CADPS: variants seen among roughly 807,000 people sequenced by gnomAD.
The protein encoded by CADPS is calcium dependent secretion activator.
CADPS carries 57 observed loss-of-function variants against 167.3 expected under a neutral mutation model. That is an observed-to-expected ratio of 0.34 (90% CI 0.28 to 0.42). CADPS has a LOEUF of 0.42. Ranked by LOEUF, CADPS falls within the 20% of genes least tolerant of loss-of-function variation. CADPS has a pLI of 1.00. For missense variants in CADPS, 1,414 were observed against 1,738.1 expected, an observed-to-expected ratio of 0.81 and a Z score of 3.32; for synonymous variants, 676 against 635.3, an observed-to-expected ratio of 1.06 and a Z score of -0.96.
intron 4 of CADPS, among the ~76,000 whole-genome samples, chr3:62,659,373 A>T (rs2072584962): frequency 1.3e-5 from 2 of 152,204 alleles, no homozygotes; most frequent in African/African-American, 4.8e-5. Flanking sequence ...AATTTTCATC[A>T]GTATTAGCCA....
intron 22 of CADPS, among the ~76,000 whole-genome samples, chr3:62,479,693 G>A (rs1425197845): frequency 3.9e-5 from 6 of 152,202 alleles, no homozygotes; most frequent in African/African-American, 1.4e-4. Flanking sequence ...GATGGAGCAG[G>A]TAACATATAA....
At chr3:62,607,337 G>T (rs2060826683) in intron 6 of CADPS, among the ~76,000 whole-genome samples, 2 of 152,224 alleles carry the variant, frequency 1.3e-5, no homozygotes, top group South Asian at 4.1e-4. Flanking sequence ...CACAGGCACT[G>T]TCTAGGTTCC....
At chr3:62,714,045 A>G (rs952996732) in intron 3 of CADPS, among the ~76,000 whole-genome samples, 3 of 152,180 alleles carry the variant, frequency 2.0e-5, no homozygotes, top group African/African-American at 7.2e-5. Context: ...GCCCCATTTT[A>G]TAGATGAGGC....
chr3:62,761,731 T>C (rs1179551782), intron 2 of CADPS, among the ~76,000 whole-genome samples: 1 of 151,828 alleles, frequency 6.6e-6, no homozygotes, highest in African/African-American at 2.4e-5. Flanking sequence ...ATTTTGGACA[T>C]TTTTCTTAAA....
At chr3:62,408,303 GTCA>G (rs1269742912) in intron 28 of CADPS, among the ~76,000 whole-genome samples, 1 of 152,170 alleles carries the variant, frequency 6.6e-6, no homozygotes, top group African/African-American at 2.4e-5. Context: ...TGATATTTCA[GTCA>G]TCATGGATTT....
At position 62,542,197 on chromosome 3, in the gene CADPS, A is replaced by G. The variant is rs145062326; in HGVS notation, c.1967-5616T>C. ...TAGAGGTAGCTGTTTTAACATTGGA[A>G]TTTAGAGCACAGTTATGGCTGTTGC... On this transcript the variant is annotated intron_variant, in intron 11 of 29. Coordinates refer to ENST00000383710, the MANE Select transcript of CADPS (RefSeq NM_003716.4). Among the ~76,000 whole-genome samples the G allele has an allele frequency of 3.3e-3, 504 of 152,304 alleles. 6 individuals carry two copies. Among genetic ancestry groups the G allele is most frequent in the African/African-American group, 0.011 (477 of 41,570 alleles).
chr3:62,478,124 C>T lies in CADPS; in HGVS notation c.3329+137G>A. ...AGTTAGACGTTGACAGCCACTACTCCAGCTGACTTTGACAAGCAATCCCCT... is the reference window on the plus strand; with the variant it reads ...AGTTAGACGTTGACAGCCACTACTCTAGCTGACTTTGACAAGCAATCCCCT... On this transcript the variant is annotated intron_variant, in intron 23 of 29. Transcript: ENST00000383710. This position sits in a 1 kb window ranked among gnomAD's most constrained non-coding sequence, Gnocchi z 5.7. The T allele has an allele frequency of 1.1e-6, 1 of 933,186 alleles. No individual in the cohort carries two copies. Among genetic ancestry groups the T allele is most frequent in the Non-Finnish European group, 1.6e-6 (1 of 614,590 alleles). 57.8% of individuals were successfully genotyped at this position (933,186 alleles called of 1,614,324 possible).
At chr3:62,491,558 A>AACACAC (rs35911391) in intron 20 of CADPS, 78 bp from the exon 21 acceptor site, 13,365 of 524,868 alleles carry the variant, frequency 0.025, 107 homozygotes, top group Non-Finnish European at 0.028. Flanking sequence ...CACACACACA[A>AACACAC]ACACACACAC....
In CADPS at chr3:62,601,765, G is replaced by T. The variant is rs891517034; in HGVS notation, c.1326-9017C>A. Among the ~76,000 whole-genome samples, 1 of 152,176 alleles carries T rather than the reference G, an allele frequency of 6.6e-6. No homozygotes were observed. The highest frequency in any genetic ancestry group is 2.4e-5 in the African/African-American group (1 of 41,440). ...GTAGCAGATGATTCATATTTAGGGG[G>T]ATGGGGATGACTTTTAAAGTCACAG... On this transcript the variant is annotated intron_variant, in intron 6 of 29. Coordinates refer to ENST00000383710, the MANE Select transcript of CADPS (RefSeq NM_003716.4). This position sits in a 1 kb window ranked among gnomAD's most constrained non-coding sequence, Gnocchi z 4.3.
At chr3:62,812,040 A>G (rs1170757724) in intron 1 of CADPS, among the ~76,000 whole-genome samples, 1 of 152,184 alleles carries the variant, frequency 6.6e-6, no homozygotes, top group Admixed American at 6.5e-5. Flanking sequence ...ATTACATTAA[A>G]AAGATTTTCA....
At position 62,866,148 on chromosome 3, in the gene CADPS, C is replaced by T. The variant is rs76095442; in HGVS notation, c.441+8441G>A. ...AGGGATTCATAAAGAAGGCTTTTCTCTACAATGGATCTAGAAATTTGTCAC... is the reference window on the plus strand; with the variant it reads ...AGGGATTCATAAAGAAGGCTTTTCTTTACAATGGATCTAGAAATTTGTCAC... On this transcript the variant is annotated intron_variant, in intron 1 of 29. Coordinates refer to ENST00000383710, the MANE Select transcript of CADPS (RefSeq NM_003716.4). Among the ~76,000 whole-genome samples, 297 of 152,212 alleles carry T rather than the reference C, an allele frequency of 2.0e-3. 9 individuals are homozygous for T. In the East Asian group the frequency reaches 0.048, roughly 25 times the overall value.
chr3:62,431,590 A>T (rs1394960762), intron 28 of CADPS, among the ~76,000 whole-genome samples: 1 of 151,240 alleles, frequency 6.6e-6, no homozygotes, highest in Non-Finnish European at 1.5e-5. Context: ...AAACTCCTCC[A>T]GTCTGCAGAA....
chr3:62,797,553 C>T (rs763920856), intron 1 of CADPS, among the ~76,000 whole-genome samples: 12 of 152,038 alleles, frequency 7.9e-5, no homozygotes, highest in Non-Finnish European at 1.6e-4. Flanking sequence ...CCTTAGCAAA[C>T]GAATGCAGGA....
chr3:62,429,709 GA>G lies in CADPS; in HGVS notation c.3777+8394del, dbSNP rs11428389. On this transcript the variant is annotated intron_variant, in intron 28 of 29. Coordinates refer to ENST00000383710, the MANE Select transcript of CADPS (RefSeq NM_003716.4). Reference sequence around the variant, plus strand: ...TTCCATGCCGTTAAGTCTGCCATAAGAAAAAAAAAAACCCCTGTTCTAAGAC... The same window carrying G: ...TTCCATGCCGTTAAGTCTGCCATAAGAAAAAAAAAACCCCTGTTCTAAGAC... Among the ~76,000 whole-genome samples the G allele has an allele frequency of 1.0e-3, 148 of 144,210 alleles. 1 individual carries two copies. The highest frequency in any genetic ancestry group is 3.0e-3 in the Admixed American group (44 of 14,658). The allele number at this position is 144,210 out of a possible 152,430, so 94.6% of individuals were successfully genotyped here.
At chr3:62,749,502 G>T (rs17280417) in intron 3 of CADPS, among the ~76,000 whole-genome samples, 12,115 of 152,252 alleles carry the variant, frequency 0.08, 583 homozygotes, top group Admixed American at 0.12. Flanking sequence ...GTTTGGTAAG[G>T]AGAAGAAGGT....
chr3:62,452,341 T>C (rs919420819), intron 26 of CADPS, among the ~76,000 whole-genome samples: 8 of 143,086 alleles, frequency 5.6e-5, no homozygotes, highest in African/African-American at 2.0e-4. Flanking sequence ...TTTAAATAAA[T>C]TAAAAGAAAA....
At chr3:62,492,194 T>C in intron 20 of CADPS, 96 bp downstream of exon 20, 1 of 1,022,396 alleles carries the variant, frequency 9.8e-7, no homozygotes, top group Non-Finnish European at 1.5e-6. Context: ...TGAAGAGCTA[T>C]GTCAAGCCTG....
In CADPS at chr3:62,770,116, G is replaced by A. The variant is rs554396906; in HGVS notation, c.442-4132C>T. Among the ~76,000 whole-genome samples the A allele has an allele frequency of 7.2e-5, 11 of 152,246 alleles. No individual in the cohort carries two copies. The East Asian group carries it at 7.7e-4, about 11-fold the overall frequency. On this transcript the variant is annotated intron_variant, in intron 1 of 29. Transcript: ENST00000383710. ...CTTTTTTACTTCTCAGCTGTGCCCC[G>A]ACTTTTCTTGCCTGAGAGCCTTTGC...
intron 3 of CADPS, among the ~76,000 whole-genome samples, chr3:62,694,727 G>T (rs2079945092): frequency 6.6e-6 from 1 of 152,014 alleles, no homozygotes; most frequent in Admixed American, 6.6e-5. Context: ...ACAGGCTTCT[G>T]CCCATAGAAT....
Sources: allele counts gnomAD v4.1 joint callset (sites outside exome capture counted in the v4.1 genomes callset), GRCh38; gene constraint gnomAD v4.1.1; non-coding constraint Gnocchi (gnomAD v3.1); transcripts MANE v1.5; gene names NCBI Gene and HGNC (gene_info 2026-07-23, HGNC 2026-07-21).